The following SGCD variants were observed in gnomAD, a reference collection of about 807,000 sequenced individuals.
SGCD encodes sarcoglycan delta, also known as delta-sarcoglycan.
In SGCD, 18 loss-of-function variants were observed where a neutral mutation model predicts 36.6. The ratio of observed to expected loss-of-function variants is 0.49; its 90% confidence interval spans 0.34 to 0.73. The LOEUF is 0.73. Ranked by LOEUF, SGCD falls within the 30% of genes least tolerant of loss-of-function variation. The probability of loss-of-function intolerance (pLI) is 0.01; values close to 1 mark genes in which losing one functional copy is unlikely to be tolerated. For missense variants in SGCD, 387 were observed against 346.7 expected (o/e 1.12, Z -0.92); for synonymous variants, 133 against 130.6 (o/e 1.02, Z -0.12).
intron 3 of SGCD, among the ~76,000 whole-genome samples, chr5:156,460,476 C>T (rs1754438090): frequency 6.6e-6 from 1 of 152,008 alleles, no homozygotes; most frequent in Non-Finnish European, 1.5e-5. Context: ...GGGATTTGAC[C>T]AGAACTTTGA....
intron 7 of SGCD, among the ~76,000 whole-genome samples, chr5:156,685,263 A>G (rs942572850): frequency 6.6e-6 from 1 of 152,154 alleles, no homozygotes; most frequent in East Asian, 1.9e-4. Flanking sequence ...TCTTATCCAA[A>G]GAAGTCAGGC....
the SGCD span, among the ~76,000 whole-genome samples, chr5:155,785,727 G>A: frequency 6.6e-6 from 1 of 152,138 alleles, no homozygotes. Context: ...ACACATATGT[G>A]AAAATAACTC....
At chr5:156,642,459 G>GTT in intron 6 of SGCD, among the ~76,000 whole-genome samples, 2 of 124,600 alleles carry the variant, frequency 1.6e-5, no homozygotes, top group African/African-American at 6.7e-5. Flanking sequence ...AGCAGCATCA[G>GTT]TCTTTTTTTT....
intron 5 of SGCD, among the ~76,000 whole-genome samples, chr5:156,591,885 C>G (rs112343408): frequency 2.6e-5 from 4 of 152,278 alleles, no homozygotes; most frequent in African/African-American, 9.6e-5. Context: ...GACAAGCCAT[C>G]TGCACCACTG....
intron 3 of SGCD, among the ~76,000 whole-genome samples, chr5:156,222,693 T>C (rs1278797330): frequency 1.3e-5 from 2 of 152,144 alleles, no homozygotes; most frequent in East Asian, 3.8e-4. Context: ...GATGAAATGT[T>C]CTTCTTTATT....
Position 156,751,103 on chromosome 5 carries a change from T to TAAAG in SGCD, c.576-6475_576-6472dup, listed in dbSNP as rs544469879. Among the ~76,000 whole-genome samples the TAAAG allele has an allele frequency of 6.8e-3, 1,031 of 152,288 alleles. 5 individuals carry two copies. Among genetic ancestry groups the TAAAG allele is most frequent in the Non-Finnish European group, 0.012 (785 of 68,028 alleles). On this transcript the variant is annotated intron_variant, in intron 7 of 8. Transcript: ENST00000337851. ...GTAAGAGGATTTGCCTTATGAAGTA[T>TAAAG]AAAGAATTTTAAAACTCAAGTAAGC...
intron 1 of SGCD, among the ~76,000 whole-genome samples, chr5:155,984,454 T>A (rs552602039): frequency 6.6e-6 from 1 of 152,380 alleles, no homozygotes; most frequent in East Asian, 1.9e-4. Context: ...TATCATTTCA[T>A]GTACATGACC....
At chr5:156,695,729 G>T (rs1754296889) in intron 7 of SGCD, among the ~76,000 whole-genome samples, 1 of 152,188 alleles carries the variant, frequency 6.6e-6, no homozygotes, top group Admixed American at 6.5e-5. Context: ...AGGCTTTGAA[G>T]GACATATAAT....
the SGCD span, among the ~76,000 whole-genome samples, chr5:155,820,381 C>T: frequency 0.018 from 2,685 of 152,084 alleles, 85 homozygotes; most frequent in African/African-American, 0.06. Context: ...ATGTACTGTC[C>T]GGGTGCAGTG....
intron 1 of SGCD, among the ~76,000 whole-genome samples, chr5:155,914,691 G>C (rs1441081438): frequency 6.6e-6 from 1 of 152,120 alleles, no homozygotes; most frequent in Non-Finnish European, 1.5e-5. Context: ...GTCCCTACAA[G>C]TATGCTTCAA....
chr5:156,443,027 C>A (rs1267575578), intron 3 of SGCD, among the ~76,000 whole-genome samples: 1 of 152,154 alleles, frequency 6.6e-6, no homozygotes, highest in East Asian at 1.9e-4. Flanking sequence ...CTCTGTCACC[C>A]AGGCTGGAGT....
At chr5:156,520,702 G>C (rs760890887) in intron 4 of SGCD, among the ~76,000 whole-genome samples, 49 of 151,970 alleles carry the variant, frequency 3.2e-4, no homozygotes, top group Non-Finnish European at 5.3e-4. Flanking sequence ...TAGACCAATG[G>C]AACAGAATAC....
At chr5:156,290,478 A>G (rs1327839941) in intron 3 of SGCD, among the ~76,000 whole-genome samples, 1 of 150,508 alleles carries the variant, frequency 6.6e-6, no homozygotes, top group Non-Finnish European at 1.5e-5. Flanking sequence ...AGATTTTGCA[A>G]GGTACTTACT....
Position 156,206,644 on chromosome 5 carries a change from A to C in SGCD, c.-44+82625A>C, listed in dbSNP as rs144179952. 3.2e-3 allele frequency among the ~76,000 whole-genome samples: 493 copies of C among 152,220 alleles called. 11 individuals carry two copies. The South Asian group carries it at 0.039, about 12-fold the overall frequency. On this transcript the variant is annotated intron_variant, in intron 3 of 9. Coordinates refer to the SGCD transcript ENST00000517913. The stretch of plus-strand genomic sequence containing the variant: ...ACATCTTAAAAATTAAAGTTTTACC[A>C]AGGCAAGTATGGGACACCAAGGCAT...
chr5:156,310,078 G>A (rs1321287853), intron 3 of SGCD, among the ~76,000 whole-genome samples: 1 of 152,082 alleles, frequency 6.6e-6, no homozygotes, highest in Admixed American at 6.6e-5. Context: ...TTAGCATAAG[G>A]TGTCAACTTA....
intron 3 of SGCD, among the ~76,000 whole-genome samples, chr5:156,185,062 T>C (rs1385813531): frequency 1.3e-5 from 2 of 152,174 alleles, no homozygotes; most frequent in Admixed American, 1.3e-4. Flanking sequence ...TTACATTTCT[T>C]TCCTTTTAAG....
At chr5:155,939,190 A>G (rs1180295304) in intron 1 of SGCD, among the ~76,000 whole-genome samples, 2 of 152,230 alleles carry the variant, frequency 1.3e-5, no homozygotes, top group African/African-American at 4.8e-5. Context: ...AAAATTGCTA[A>G]GAGAATAGGT....
chr5:156,324,617 G>A (rs542023015), upstream of SGCD, among the ~76,000 whole-genome samples: 30 of 152,212 alleles, frequency 2.0e-4, no homozygotes, highest in African/African-American at 7.2e-4. Flanking sequence ...CAAGTCTTTG[G>A]GGAGACATGA....
intron 7 of SGCD, among the ~76,000 whole-genome samples, chr5:156,729,028 T>C (rs1755927277): frequency 6.6e-6 from 1 of 152,204 alleles, no homozygotes; most frequent in Non-Finnish European, 1.5e-5. Context: ...CAGCCATATG[T>C]CACCGTTCAA....
Sources: gnomAD v4.1 joint callset for allele counts (sites outside exome capture counted in the v4.1 genomes callset) on GRCh38, gnomAD v4.1.1 for gene constraint, MANE v1.5 for transcripts, NCBI Gene and HGNC (gene_info 2026-07-23, HGNC 2026-07-21) for gene names.